Variants in SNTB1 observed in about 807,000 individuals in gnomAD.
SNTB1 encodes beta-1-syntrophin.
A neutral mutation model predicts 48.9 loss-of-function variants in SNTB1; 36 were observed. That is an observed-to-expected ratio of 0.74 (90% CI 0.56 to 0.97). The LOEUF (loss-of-function observed/expected upper bound fraction) is 0.97, where lower values mean the gene tolerates loss of function less well. Among genes scored for constraint, SNTB1 ranks in the 50% least tolerant of loss-of-function variants. The probability of loss-of-function intolerance (pLI) is 0.00; values close to 1 mark genes in which losing one functional copy is unlikely to be tolerated. For synonymous variants in SNTB1, 299 were observed against 294.6 expected, an observed-to-expected ratio of 1.01 and a Z score of -0.15; for missense variants, 786 against 703.4, an observed-to-expected ratio of 1.12 and a Z score of -1.33.
At chr8:120,672,346 A>T (rs940051251) in intron 2 of SNTB1, among the ~76,000 whole-genome samples, 1 of 152,220 alleles carries the variant, frequency 6.6e-6, no homozygotes. Context: ...ACCCTAGAGC[A>T]ACATGTAAGT....
chr8:120,649,762 C>T (rs917173842), intron 2 of SNTB1, among the ~76,000 whole-genome samples: 2 of 152,230 alleles, frequency 1.3e-5, no homozygotes, highest in African/African-American at 2.4e-5. Flanking sequence ...GCCCCTCCCC[C>T]AGCCTAGCTG....
At chr8:120,779,908 T>C (rs780969937) in intron 1 of SNTB1, among the ~76,000 whole-genome samples, 5 of 151,882 alleles carry the variant, frequency 3.3e-5, no homozygotes, top group African/African-American at 4.8e-5. Flanking sequence ...AGAAAGGGAT[T>C]TGAGGGTTGT....
intron 1 of SNTB1, among the ~76,000 whole-genome samples, chr8:120,714,117 T>A (rs1050882480): frequency 6.6e-6 from 1 of 152,180 alleles, no homozygotes; most frequent in African/African-American, 2.4e-5. Flanking sequence ...GCTTGTTTGG[T>A]CAAGCTGAGT....
intron 1 of SNTB1, among the ~76,000 whole-genome samples, chr8:120,802,524 T>G (rs1447978694): frequency 6.6e-6 from 1 of 152,102 alleles, no homozygotes; most frequent in African/African-American, 2.4e-5. Context: ...AATACACCCG[T>G]GTGGAATCAT....
At chr8:120,721,722 T>A (rs1036861346) in intron 1 of SNTB1, among the ~76,000 whole-genome samples, 1 of 152,210 alleles carries the variant, frequency 6.6e-6, no homozygotes, top group African/African-American at 2.4e-5. Context: ...ACCATTAGTT[T>A]ATTTTTTTCA....
intron 1 of SNTB1, among the ~76,000 whole-genome samples, chr8:120,757,644 G>C (rs1450405462): frequency 6.6e-6 from 1 of 152,148 alleles, no homozygotes; most frequent in Admixed American, 6.6e-5. Flanking sequence ...GCAGTTTCTA[G>C]TTGTGTCAGC....
At chr8:120,618,973 TAG>T (rs1816754428) in intron 3 of SNTB1, among the ~76,000 whole-genome samples, 1 of 152,182 alleles carries the variant, frequency 6.6e-6, no homozygotes, top group South Asian at 2.1e-4. Context: ...TTTAAGGTTC[TAG>T]TTTGTTAGAA....
chr8:120,650,432 T>A (rs1344793098), intron 2 of SNTB1, among the ~76,000 whole-genome samples: 1 of 152,138 alleles, frequency 6.6e-6, no homozygotes, highest in Non-Finnish European at 1.5e-5. Context: ...GTGCACTGAG[T>A]AATTAAAAGA....
intron 4 of SNTB1, among the ~76,000 whole-genome samples, chr8:120,550,504 T>G (rs1266119971): frequency 6.9e-6 from 1 of 145,522 alleles, no homozygotes; most frequent in Non-Finnish European, 1.5e-5. Flanking sequence ...ATTGCACCAC[T>G]GCACTCCAGC....
intron 2 of SNTB1, among the ~76,000 whole-genome samples, chr8:120,645,011 T>A (rs1313062175): frequency 6.7e-6 from 1 of 150,120 alleles, no homozygotes; most frequent in Non-Finnish European, 1.5e-5. Context: ...GATGGGGTTG[T>A]TTGTTTTTTT....
intron 1 of SNTB1, among the ~76,000 whole-genome samples, chr8:120,748,942 C>T (rs1819168133): frequency 6.6e-6 from 1 of 152,168 alleles, no homozygotes; most frequent in African/African-American, 2.4e-5. Context: ...AAGAATACTA[C>T]CAACCTTGTA....
chr8:120,546,054 C>T (rs531701485), intron 5 of SNTB1, among the ~76,000 whole-genome samples: 1 of 152,238 alleles, frequency 6.6e-6, no homozygotes, highest in East Asian at 1.9e-4. Flanking sequence ...TTTAAAGCCC[C>T]TACTTGTGAC....
chr8:120,681,404 A>G (rs937589712), intron 2 of SNTB1, among the ~76,000 whole-genome samples: 1 of 152,170 alleles, frequency 6.6e-6, no homozygotes, highest in African/African-American at 2.4e-5. Flanking sequence ...GAGGAAGAGT[A>G]TAAAATGCTA....
chr8:120,582,811 C>T (rs559443598), intron 3 of SNTB1, among the ~76,000 whole-genome samples: 8 of 151,970 alleles, frequency 5.3e-5, no homozygotes, highest in South Asian at 4.2e-4. Context: ...CTAATGCATG[C>T]GGGGCTTAAA....
At chr8:120,717,227 A>T (rs1017094433) in intron 1 of SNTB1, among the ~76,000 whole-genome samples, 1 of 152,232 alleles carries the variant, frequency 6.6e-6, no homozygotes, top group Non-Finnish European at 1.5e-5. Flanking sequence ...GATAATGGAA[A>T]TGCAGCTTAA....
At chr8:120,566,356 G>A (rs1289921749) in intron 4 of SNTB1, among the ~76,000 whole-genome samples, 3 of 146,168 alleles carry the variant, frequency 2.1e-5, no homozygotes, top group African/African-American at 7.6e-5. Context: ...AAAAAAAAGG[G>A]TGGGGGAGGC....
chr8:120,804,149 A>G (rs545071645), intron 1 of SNTB1, among the ~76,000 whole-genome samples: 1 of 152,032 alleles, frequency 6.6e-6, no homozygotes, highest in South Asian at 2.1e-4. Context: ...ACGGGCAACT[A>G]ATCTTCCAAT....
At chr8:120,679,146 G>T (rs1258801900) in intron 2 of SNTB1, among the ~76,000 whole-genome samples, 1 of 152,142 alleles carries the variant, frequency 6.6e-6, no homozygotes, top group Non-Finnish European at 1.5e-5. Flanking sequence ...TCTGTCTATA[G>T]TTCCTGCATT....
chr8:120,740,341 A>T (rs1197173232), intron 1 of SNTB1, among the ~76,000 whole-genome samples: 1 of 152,240 alleles, frequency 6.6e-6, no homozygotes, highest in Middle Eastern at 3.2e-3. Flanking sequence ...ATCTCTCAGA[A>T]GAAAATTATC....
Sources: gnomAD v4.1 joint callset for allele counts (sites outside exome capture counted in the v4.1 genomes callset) on GRCh38, gnomAD v4.1.1 for gene constraint, MANE v1.5 for transcripts, NCBI Gene and HGNC (gene_info 2026-07-23, HGNC 2026-07-21) for gene names.